The following LRRC4C variants were observed in gnomAD, a reference collection of about 807,000 sequenced individuals.
LRRC4C encodes leucine-rich repeat-containing protein 4C.
Under a neutral mutation model 33.6 loss-of-function variants are expected in LRRC4C, and 5 were observed. The ratio of observed to expected loss-of-function variants is 0.15; its 90% CI spans 0.08 to 0.31. The LOEUF (loss-of-function observed/expected upper bound fraction) is 0.31. Among genes scored for constraint, LRRC4C ranks in the 10% least tolerant of loss-of-function variants. The pLI, the probability that LRRC4C is intolerant of heterozygous loss-of-function variation, is 1.00. For missense variants in LRRC4C, 560 were observed against 796.7 expected (o/e 0.70, Z 3.58); for synonymous variants, 329 against 302.0 (o/e 1.09, Z -0.93).
chr11:40,145,592 G>C (rs1857672474), intron 5 of LRRC4C, among the ~76,000 whole-genome samples: 1 of 152,172 alleles, frequency 6.6e-6, no homozygotes, highest in South Asian at 2.1e-4. Flanking sequence ...CTACAAGCTA[G>C]AGCAGAGAAG....
intron 3 of LRRC4C, among the ~76,000 whole-genome samples, chr11:40,614,518 T>A (rs1961561967): frequency 6.6e-6 from 1 of 151,812 alleles, no homozygotes; most frequent in Non-Finnish European, 1.5e-5. Context: ...TTTTGCTTTC[T>A]TATCATTTGT....
chr11:40,618,904 G>A (rs1197634958), intron 3 of LRRC4C, among the ~76,000 whole-genome samples: 9 of 151,668 alleles, frequency 5.9e-5, no homozygotes, highest in Admixed American at 6.6e-5. Context: ...TCTATAAATG[G>A]GTCAACTGGA....
chr11:40,742,852 T>C (rs901095386), intron 2 of LRRC4C, among the ~76,000 whole-genome samples: 1 of 152,058 alleles, frequency 6.6e-6, no homozygotes, highest in African/African-American at 2.4e-5. Flanking sequence ...TTATGGATTT[T>C]TATAATATGT....
intron 3 of LRRC4C, among the ~76,000 whole-genome samples, chr11:40,512,299 T>C (rs970385745): frequency 1.3e-5 from 2 of 152,042 alleles, no homozygotes; most frequent in Non-Finnish European, 2.9e-5. Context: ...GCTTCAACCC[T>C]GGAGGCAGAG....
chr11:40,779,601 T>C (rs942839078), intron 2 of LRRC4C, among the ~76,000 whole-genome samples: 2 of 152,192 alleles, frequency 1.3e-5, no homozygotes, highest in Non-Finnish European at 2.9e-5. Flanking sequence ...TCTATTTCTC[T>C]TGGTCACATT....
At chr11:40,875,839 A>G (rs1294454838) in intron 2 of LRRC4C, among the ~76,000 whole-genome samples, 1 of 152,090 alleles carries the variant, frequency 6.6e-6, no homozygotes, top group African/African-American at 2.4e-5. Context: ...TCACATTGTA[A>G]TATATATGAA....
chr11:40,774,526 C>T (rs1591683927), intron 2 of LRRC4C, among the ~76,000 whole-genome samples: 1 of 152,112 alleles, frequency 6.6e-6, no homozygotes, highest in East Asian at 1.9e-4. Flanking sequence ...GGAGGAAATA[C>T]TTTCTAATCA....
At chr11:40,992,918 A>T (rs913643429) in intron 1 of LRRC4C, among the ~76,000 whole-genome samples, 1 of 152,136 alleles carries the variant, frequency 6.6e-6, no homozygotes. Context: ...AGATAAGAAG[A>T]ATATTAAATA....
chr11:40,888,585 T>C lies in LRRC4C; in HGVS notation c.-407+45050A>G, dbSNP rs148159681. On this transcript the variant is annotated intron_variant, in intron 2 of 6. Transcript: ENST00000528697. ...TTGTTCCCTCAAGGAAACTAAGTTG[T>C]ACATCCAAGACATCAACTTTCCCAT... 7.7e-3 allele frequency among the ~76,000 whole-genome samples: 1,171 copies of C among 152,088 alleles called. 7 individuals are homozygous for C. Among genetic ancestry groups the C allele is most frequent in the Non-Finnish European group, 0.013 (878 of 67,866 alleles).
chr11:40,992,657 G>T (rs2137271069), intron 1 of LRRC4C, among the ~76,000 whole-genome samples: 1 of 151,972 alleles, frequency 6.6e-6, no homozygotes, highest in Admixed American at 6.6e-5. Context: ...CATTGATCCT[G>T]GTAACATGCT....
At chr11:41,048,828 C>T (rs797006194) in intron 1 of LRRC4C, among the ~76,000 whole-genome samples, 1 of 152,158 alleles carries the variant, frequency 6.6e-6, no homozygotes, top group Non-Finnish European at 1.5e-5. Context: ...TGCAGTGAAG[C>T]CAATGGGCAT....
intron 2 of LRRC4C, among the ~76,000 whole-genome samples, chr11:40,754,174 A>C (rs983820746): frequency 1.4e-4 from 21 of 151,992 alleles, no homozygotes; most frequent in Non-Finnish European, 1.6e-4. Flanking sequence ...ATTTTTCTCT[A>C]ATTTTGTTCA....
chr11:41,394,712 T>G (rs1215304219), intron 1 of LRRC4C: 1 of 151,986 alleles, frequency 6.6e-6, no homozygotes, highest in African/African-American at 2.4e-5. Flanking sequence ...TCTTTCTTAT[T>G]ATATTACTAC....
At chr11:41,162,755 T>C (rs1944530539) in intron 1 of LRRC4C, among the ~76,000 whole-genome samples, 1 of 152,220 alleles carries the variant, frequency 6.6e-6, no homozygotes, top group African/African-American at 2.4e-5. Context: ...GGACTGAAAG[T>C]TGCTTTGGGA....
rs1055356307 is a variant in LRRC4C, at chr11:41,119,687, G to C, written c.-495-185964C>G. Among the ~76,000 whole-genome samples the C allele has an allele frequency of 2.6e-5, 4 of 152,122 alleles. No individual in the cohort carries two copies. In the South Asian group the frequency reaches 8.3e-4, roughly 32 times the overall value. ...ACTAAAACCTTATGTTTGCTACCAG[G>C]CAGTCTCATGACTTTCAGGATTATG... On this transcript the variant is annotated intron_variant, in intron 1 of 6. Transcript: ENST00000528697.
chr11:40,687,896 A>G (rs566605787), intron 2 of LRRC4C, among the ~76,000 whole-genome samples: 2 of 152,236 alleles, frequency 1.3e-5, no homozygotes, highest in East Asian at 1.9e-4. Flanking sequence ...AGAACATCTT[A>G]CTCAATAGCT....
intron 3 of LRRC4C, among the ~76,000 whole-genome samples, chr11:40,592,000 G>T (rs529244786): frequency 1.4e-4 from 21 of 152,116 alleles, no homozygotes; most frequent in Non-Finnish European, 2.6e-4. Context: ...ACCACTTCTG[G>T]TTTGGAGCTG....
At chr11:41,448,122 G>GTTCTTTTTTTTTTTTTTTTTTTTTT (rs1955887500) in intron 1 of LRRC4C, among the ~76,000 whole-genome samples, 2 of 46,948 alleles carry the variant, frequency 4.3e-5, no homozygotes, top group Non-Finnish European at 4.4e-5. Flanking sequence ...GCACACGTCT[G>GTTCTTTTTTTTTTTTTTTTTTTTTT]TTTTTTTTTT....
chr11:41,420,394 T>TTC (rs1464975329), intron 1 of LRRC4C, among the ~76,000 whole-genome samples: 1 of 152,016 alleles, frequency 6.6e-6, no homozygotes, highest in East Asian at 1.9e-4. Context: ...AATGTAAGGC[T>TTC]TTTAAAGAAG....
Sources: gnomAD v4.1 joint callset for allele counts (sites outside exome capture counted in the v4.1 genomes callset) on GRCh38, gnomAD v4.1.1 for gene constraint, MANE v1.5 for transcripts, NCBI Gene and HGNC (gene_info 2026-07-23, HGNC 2026-07-21) for gene names.